Variants in FANCA observed in about 807,000 individuals in gnomAD.
FANCA encodes the protein Fanconi anemia group A protein.
FANCA carries 236 observed loss-of-function variants against 194.3 expected under a neutral mutation model. That is an observed-to-expected ratio of 1.21 (90% CI 1.09 to 1.35). The LOEUF is 1.35. Ranked by LOEUF, FANCA falls within the 40% of genes most tolerant of loss-of-function variation. FANCA has a pLI of 0.00. For synonymous variants in FANCA, 1,014 were observed against 715.8 expected, an observed-to-expected ratio of 1.42 and a Z score of -6.65; for missense variants, 2,628 against 1,813.9, an observed-to-expected ratio of 1.45 and a Z score of -8.15.
intron 21 of FANCA, among the ~76,000 whole-genome samples, 166 bp downstream of exon 21, chr16:89,775,576 T>C (rs1024755189): frequency 6.6e-6 from 1 of 152,234 alleles, no homozygotes; most frequent in Non-Finnish European, 1.5e-5. Context: ...GTGCCACAGC[T>C]GGCACTGGGC....
chr16:89,744,720 G>C (rs563982714), intron 36 of FANCA: 5 of 559,022 alleles, frequency 8.9e-6, no homozygotes, highest in Admixed American at 5.2e-5. Context: ...CCGTTGGAGT[G>C]ATCTCGGCTC....
In FANCA at chr16:89,793,714, G is replaced by A. The variant is rs569609910; in HGVS notation, c.1007-1167C>T. ...ACCTGCCTCAGTCTCCCAAGTAGCT[G>A]CGACCACAGGCGTGTGCCACCATAC... On this transcript the variant is annotated intron_variant, in intron 11 of 42. Transcript: ENST00000389301. Among the ~76,000 whole-genome samples, 57 of 151,900 alleles carry A rather than the reference G, an allele frequency of 3.8e-4. 2 individuals are homozygous for A. In the South Asian group the frequency reaches 0.012, roughly 31 times the overall value.
intron 14 of FANCA, chr16:89,790,992 C>CGT (rs2040051132): frequency 4.0e-6 from 1 of 249,018 alleles, no homozygotes. Context: ...ACCACACCTG[C>CGT]GTAGTTTTTG....
chr16:89,798,034 A>G (rs950208057), intron 10 of FANCA, among the ~76,000 whole-genome samples: 1 of 152,198 alleles, frequency 6.6e-6, no homozygotes, highest in Admixed American at 6.5e-5. Flanking sequence ...CCCTTGCCAC[A>G]GACTAAACTG....
rs371458363 is a variant in FANCA at position 89,771,720 on chromosome 16, C to T, written c.2109G>A (p.Gln703=). 4.3e-6 allele frequency: 7 copies of T among 1,614,028 alleles called. No homozygotes were observed. The African/African-American group carries it at 9.3e-5, about 22-fold the overall frequency. The change falls in exon 23 of 43, where the codon CAG becomes CAA. Residue 703 remains glutamine, a synonymous_variant. Coordinates refer to ENST00000389301, the MANE Select transcript of FANCA (RefSeq NM_000135.4). ...CCAGTCTCGGCGTGTTGATGCTGAG[C>T]TGAATCTTTGATATCTCAACGCTGC... ...DDSSVEISKI[Q]LSINTPRLEP... is the part of the protein sequence containing the mutation.
Position 89,774,736 on chromosome 16 carries a change from A to AAAAAAAAAAAAAAAAAG in FANCA, c.1900+1005_1900+1006insCTTTTTTTTTTTTTTTT, listed in dbSNP as rs2039441295. Among the ~76,000 whole-genome samples the AAAAAAAAAAAAAAAAAG allele has an allele frequency of 1.4e-5, 2 of 144,870 alleles. 1 individual carries two copies. The highest frequency in any genetic ancestry group is 3.1e-5 in the Non-Finnish European group (2 of 65,458). ...CAGAGCGAGACTCTGTCTCAAAAAA[A>AAAAAAAAAAAAAAAAAG]AAAAAAAAAAAAAAAAAATCTCAAC... On this transcript the variant is annotated intron_variant, in intron 21 of 42. Coordinates refer to ENST00000389301, the MANE Select transcript of FANCA (RefSeq NM_000135.4).
At chr16:89,804,843 C>T (rs1464073978) in intron 7 of FANCA, among the ~76,000 whole-genome samples, 2 of 152,004 alleles carry the variant, frequency 1.3e-5, no homozygotes, top group Non-Finnish European at 2.9e-5. Flanking sequence ...AGCAGCCTGG[C>T]CAACCTAATG....
intron 6 of FANCA, among the ~76,000 whole-genome samples, chr16:89,806,594 A>T (rs1248118262): frequency 6.6e-6 from 1 of 151,972 alleles, no homozygotes; most frequent in East Asian, 1.9e-4. Context: ...AACAAAGCAT[A>T]TCTTGCACCG....
rs944748172 is a variant in FANCA at position 89,737,574 on chromosome 16, C to G, written c.*1027G>C. 5.7e-6 allele frequency: 4 copies of G among 700,400 alleles called. No individual in the cohort carries two copies. The African/African-American group carries it at 7.2e-5, about 13-fold the overall frequency. 43.4% of individuals were successfully genotyped at this position (700,400 alleles called of 1,614,324 possible). On this transcript the variant is annotated 3_prime_UTR_variant, in exon 43 of 43. Coordinates refer to ENST00000389301, the MANE Select transcript of FANCA (RefSeq NM_000135.4). ...TTAAGGAAATAGCTTTCTGAGGTTT[C>G]TTTAAAAACCATCCTGAAATGCACA... is the stretch of plus-strand genomic sequence containing the variant.
In FANCA at chr16:89,791,452, G is replaced by A; in HGVS notation, c.1310C>T (p.Ala437Val). 4.3e-6 allele frequency: 7 copies of A among 1,614,116 alleles called. No homozygotes were observed. The highest frequency in any genetic ancestry group is 1.1e-5 in the South Asian group (1 of 91,064). Residue 437 changes from alanine (A) to valine (V), a missense_variant, in exon 14 of 43, where the codon GCA becomes GTA. By Grantham distance (64) the Ala-to-Val change is moderately conservative. Transcript: ENST00000389301. ...MVTAFLVVRQAALEGPSAFLS... is the reference protein window; with the variant it reads ...MVTAFLVVRQVALEGPSAFLS... Reference sequence around the variant, plus strand: ...GAACGCAGAGGGGCCCTCCAGTGCTGCCTGGCGCACAACCAGGAACGCAGT... The same window carrying A: ...GAACGCAGAGGGGCCCTCCAGTGCTACCTGGCGCACAACCAGGAACGCAGT...
chr16:89,758,900 C>T (rs767268170), intron 29 of FANCA, among the ~76,000 whole-genome samples, 195 bp from the exon 30 acceptor site: 1 of 152,070 alleles, frequency 6.6e-6, no homozygotes, highest in Non-Finnish European at 1.5e-5. Context: ...GTGGGAAAGG[C>T]CTGGTCTCAG....
intron 17 of FANCA, among the ~76,000 whole-genome samples, chr16:89,781,919 A>AT (rs2039723802): frequency 6.7e-6 from 1 of 149,090 alleles, no homozygotes; most frequent in Non-Finnish European, 1.5e-5. Flanking sequence ...AGGCAGGAGA[A>AT]TGGCGTGAAC....
intron 37 of FANCA, among the ~76,000 whole-genome samples, chr16:89,741,573 G>A (rs188950758): frequency 3.9e-5 from 6 of 152,332 alleles, no homozygotes; most frequent in Admixed American, 2.6e-4. Flanking sequence ...CCTGCACAGA[G>A]AGCTGTGTGG....
At chr16:89,810,885 AAAGT>A in intron 4 of FANCA, 40 bp downstream of exon 4, 1 of 1,614,142 alleles carries the variant, frequency 6.2e-7, no homozygotes, top group African/African-American at 1.3e-5. Flanking sequence ...AACCAGCTTA[AAAGT>A]AACAACGGGC....
In FANCA at chr16:89,792,462, T is replaced by A. The variant is rs1312747816; in HGVS notation, c.1083+9A>T. 1 of 1,612,618 alleles carries A rather than the reference T, an allele frequency of 6.2e-7. No homozygotes were observed. Among genetic ancestry groups the A allele is most frequent in the Non-Finnish European group, 8.5e-7 (1 of 1,179,426 alleles). On this transcript the variant is annotated intron_variant, in intron 12 of 42. Coordinates refer to ENST00000389301, the MANE Select transcript of FANCA (RefSeq NM_000135.4). ...GCTCAGAAGCAGGTATAATACCACA[T>A]CCACTCACCCTGCGGTACAGTGAGG... is the stretch of plus-strand genomic sequence containing the variant.
intron 14 of FANCA, 110 bp downstream of exon 14, chr16:89,791,293 G>GC: frequency 6.9e-7 from 1 of 1,443,624 alleles, no homozygotes; most frequent in Non-Finnish European, 9.5e-7. Flanking sequence ...AAAGCTGACA[G>GC]CAAGGTTGCT....
chr16:89,794,529 C>G (rs2040179345), intron 11 of FANCA, among the ~76,000 whole-genome samples: 1 of 152,010 alleles, frequency 6.6e-6, no homozygotes. Flanking sequence ...GAGTAAGACT[C>G]TGTCTCAAAA....
chr16:89,770,283 T>C (rs977684189), intron 24 of FANCA, 24 bp from the exon 25 acceptor site: 1 of 1,546,700 alleles, frequency 6.5e-7, no homozygotes, highest in Admixed American at 1.9e-5. Context: ...CGTGAAACCA[T>C]CAGTACTAGC....
At chr16:89,743,152 G>C (rs539205715) in intron 36 of FANCA, among the ~76,000 whole-genome samples, 17 of 152,296 alleles carry the variant, frequency 1.1e-4, no homozygotes, top group African/African-American at 3.4e-4. Flanking sequence ...GCATCCTGGC[G>C]TTCTGAGAGC....
Sources: gnomAD v4.1 joint callset for allele counts (sites outside exome capture counted in the v4.1 genomes callset) on GRCh38, gnomAD v4.1.1 for gene constraint, MANE v1.5 for transcripts, NCBI Gene and HGNC (gene_info 2026-07-23, HGNC 2026-07-21) for gene names.